The following CAMKMT variants were observed in gnomAD, a reference collection of about 807,000 sequenced individuals.
The protein encoded by CAMKMT is calmodulin-lysine N-methyltransferase.
In CAMKMT, 53 loss-of-function variants were observed where a neutral mutation model predicts 48.0. The ratio of observed to expected loss-of-function variants is 1.10; its 90% confidence interval spans 0.89 to 1.39. The LOEUF is 1.39. Among genes scored for constraint, CAMKMT ranks in the 40% most tolerant of loss-of-function variants. CAMKMT has a pLI of 0.00. For synonymous variants in CAMKMT, 165 were observed against 152.3 expected, an observed-to-expected ratio of 1.08 and a Z score of -0.61; for missense variants, 428 against 402.7, an observed-to-expected ratio of 1.06 and a Z score of -0.54.
At position 44,441,627 on chromosome 2, in the gene CAMKMT, C is replaced by T. The variant is rs201240212; in HGVS notation, c.376+51322C>T. 2.0e-4 allele frequency among the ~76,000 whole-genome samples: 30 copies of T among 151,876 alleles called. No homozygotes were observed. In the South Asian group the frequency reaches 4.2e-3, roughly 21 times the overall value. On this transcript the variant is annotated intron_variant, in intron 3 of 10. Transcript: ENST00000378494. ...CACAGACTGAATAATATAGTGCCTTCGAATATCTTTCAGATTGGTGCATTG... is the reference window on the plus strand; with the variant it reads ...CACAGACTGAATAATATAGTGCCTTTGAATATCTTTCAGATTGGTGCATTG...
chr2:44,376,748 G>C (rs1019259173), intron 2 of CAMKMT, among the ~76,000 whole-genome samples: 1 of 152,080 alleles, frequency 6.6e-6, no homozygotes, highest in Admixed American at 6.5e-5. Flanking sequence ...TAAAAACTTT[G>C]ACCATTATTT....
intron 3 of CAMKMT, among the ~76,000 whole-genome samples, chr2:44,542,496 T>TACACACAC (rs371102222): frequency 1.6e-4 from 21 of 134,176 alleles, no homozygotes; most frequent in South Asian, 2.5e-4. Context: ...CACATACACA[T>TACACACAC]ACACACACAC....
chr2:44,441,553 A>G (rs1366175534), intron 3 of CAMKMT, among the ~76,000 whole-genome samples: 2 of 152,184 alleles, frequency 1.3e-5, no homozygotes, highest in South Asian at 2.1e-4. Flanking sequence ...GCGCTATCTT[A>G]GGGTAGGGTT....
chr2:44,573,801 C>G (rs1373543229), intron 3 of CAMKMT, among the ~76,000 whole-genome samples: 1 of 151,944 alleles, frequency 6.6e-6, no homozygotes, highest in African/African-American at 2.4e-5. Flanking sequence ...TTGTTCAAAC[C>G]AAATGTATTA....
At chr2:44,565,617 A>G (rs1027625973) in intron 3 of CAMKMT, among the ~76,000 whole-genome samples, 3 of 152,158 alleles carry the variant, frequency 2.0e-5, no homozygotes, top group African/African-American at 7.2e-5. Context: ...GCTACAAAAC[A>G]AAACAAAACA....
At chr2:44,630,485 G>A (rs965428097) in intron 3 of CAMKMT, among the ~76,000 whole-genome samples, 73 of 148,156 alleles carry the variant, frequency 4.9e-4, no homozygotes, top group Middle Eastern at 3.5e-3. Flanking sequence ...GAAAATTTTC[G>A]CAACCTACTC....
At chr2:44,486,803 C>A (rs905636556) in intron 3 of CAMKMT, among the ~76,000 whole-genome samples, 1 of 152,214 alleles carries the variant, frequency 6.6e-6, no homozygotes, top group Non-Finnish European at 1.5e-5. Context: ...AAACCGTAAG[C>A]TTCCTGAGTG....
intron 3 of CAMKMT, among the ~76,000 whole-genome samples, chr2:44,666,673 A>C (rs1674991949): frequency 1.3e-5 from 2 of 148,206 alleles, no homozygotes; most frequent in Non-Finnish European, 3.0e-5. Flanking sequence ...ATGCAGTGGC[A>C]CAGTCTCGGC....
intron 3 of CAMKMT, among the ~76,000 whole-genome samples, chr2:44,507,728 TAGAGTAGTGCTACTCAA>T (rs901980299): frequency 1.4e-4 from 21 of 152,334 alleles, no homozygotes; most frequent in African/African-American, 5.1e-4. Flanking sequence ...ACTGATGAAG[TAGAGTAGTGCTACTCAA>T]AGCACTAGAC....
At chr2:44,516,846 A>T (rs1290147577) in intron 3 of CAMKMT, among the ~76,000 whole-genome samples, 1 of 150,436 alleles carries the variant, frequency 6.6e-6, no homozygotes, top group African/African-American at 2.5e-5. Flanking sequence ...GTTTCAAGCG[A>T]TTCTCCTGCC....
intron 3 of CAMKMT, among the ~76,000 whole-genome samples, chr2:44,629,208 C>T (rs1054574166): frequency 5.3e-5 from 8 of 151,974 alleles, no homozygotes; most frequent in African/African-American, 1.2e-4. Flanking sequence ...ATATTTGTTG[C>T]GTACATATTT....
chr2:44,715,838 A>G (rs1304576855), intron 7 of CAMKMT, among the ~76,000 whole-genome samples: 1 of 152,080 alleles, frequency 6.6e-6, no homozygotes, highest in Non-Finnish European at 1.5e-5. Flanking sequence ...TGCTTAGGAC[A>G]CCCCCGTACA....
At chr2:44,472,759 A>G (rs1405460798) in intron 3 of CAMKMT, among the ~76,000 whole-genome samples, 8 of 152,222 alleles carry the variant, frequency 5.3e-5, no homozygotes, top group Non-Finnish European at 8.8e-5. Flanking sequence ...TTTTGAACAG[A>G]ATTCTATTCT....
intron 3 of CAMKMT, among the ~76,000 whole-genome samples, chr2:44,462,387 A>G (rs538099057): frequency 6.6e-6 from 1 of 152,244 alleles, no homozygotes; most frequent in South Asian, 2.1e-4. Flanking sequence ...TATAATGTGC[A>G]TATGATTGGA....
chr2:44,712,144 C>G (rs1386083760), intron 6 of CAMKMT, among the ~76,000 whole-genome samples: 2 of 151,512 alleles, frequency 1.3e-5, no homozygotes, highest in Non-Finnish European at 2.9e-5. Context: ...CTTAAATTAG[C>G]AAATATTGCC....
chr2:44,696,885 T>G (rs1459430473), intron 3 of CAMKMT, among the ~76,000 whole-genome samples: 1 of 152,036 alleles, frequency 6.6e-6, no homozygotes. Flanking sequence ...ATAGGATGCT[T>G]ATAAAAGAAA....
intron 3 of CAMKMT, among the ~76,000 whole-genome samples, chr2:44,471,764 C>G (rs944391263): frequency 2.6e-5 from 4 of 152,110 alleles, no homozygotes; most frequent in Admixed American, 2.0e-4. Flanking sequence ...TGTCTGCAGC[C>G]TCCACCTCCC....
intron 3 of CAMKMT, among the ~76,000 whole-genome samples, chr2:44,592,686 A>G (rs1167934178): frequency 2.0e-5 from 3 of 152,236 alleles, no homozygotes; most frequent in Non-Finnish European, 2.9e-5. Flanking sequence ...AACATAGTAT[A>G]TACAGGGTTC....
chr2:44,536,513 A>G (rs907591179), intron 3 of CAMKMT, among the ~76,000 whole-genome samples: 20 of 151,894 alleles, frequency 1.3e-4, no homozygotes, highest in African/African-American at 3.9e-4. Flanking sequence ...TTTTTAGTAG[A>G]GATGGGGTTT....
Sources: gnomAD v4.1 joint callset for allele counts (sites outside exome capture counted in the v4.1 genomes callset) on GRCh38, gnomAD v4.1.1 for gene constraint, MANE v1.5 for transcripts, NCBI Gene and HGNC (gene_info 2026-07-23, HGNC 2026-07-21) for gene names.